The following GALNT16 variants were observed in gnomAD, a reference collection of about 807,000 sequenced individuals.
GALNT16 encodes polypeptide N-acetylgalactosaminyltransferase 16.
In GALNT16, 40 loss-of-function variants were observed where a neutral mutation model predicts 76.1. That is an observed-to-expected ratio of 0.53 (90% CI 0.41 to 0.68). The LOEUF is 0.68. GALNT16 is among the 30% of genes least tolerant of loss of function. The pLI, the probability that GALNT16 is intolerant of heterozygous loss-of-function variation, is 0.00. For synonymous variants in GALNT16, 276 were observed against 285.2 expected, an observed-to-expected ratio of 0.97 and a Z score of 0.32; for missense variants, 621 against 731.9, an observed-to-expected ratio of 0.85 and a Z score of 1.75.
At chr14:69,320,926 T>C in intron 2 of GALNT16, 58 bp downstream of exon 2, 2 of 1,512,264 alleles carry the variant, frequency 1.3e-6, no homozygotes, top group Non-Finnish European at 1.8e-6. Context: ...CAACATTGTT[T>C]AGTTTGTCTT....
chr14:69,365,211 G>C, the GALNT16 span, among the ~76,000 whole-genome samples: 1 of 152,208 alleles, frequency 6.6e-6, no homozygotes, highest in Non-Finnish European at 1.5e-5. Context: ...GCTTTCTGGA[G>C]TTAAAGTGGG....
At chr14:69,382,507 G>A in the GALNT16 span, among the ~76,000 whole-genome samples, 1 of 151,994 alleles carries the variant, frequency 6.6e-6, no homozygotes, top group African/African-American at 2.4e-5. Flanking sequence ...GAACATTAAG[G>A]AATCCATCAA....
At chr14:69,259,734 G>C (rs1479084871), upstream of GALNT16, 2 of 153,366 alleles carry the variant, frequency 1.3e-5, no homozygotes, top group Non-Finnish European at 2.9e-5. Context: ...TGCAGCTCGC[G>C]GCGCGGGCCC....
At chr14:69,305,714 C>A (rs1433907930) in intron 1 of GALNT16, among the ~76,000 whole-genome samples, 1 of 152,062 alleles carries the variant, frequency 6.6e-6, no homozygotes, top group Non-Finnish European at 1.5e-5. Flanking sequence ...TATTTTCTCT[C>A]AGTCTTTTCA....
Position 69,339,591 on chromosome 14 carries a change from C to A in GALNT16, c.1159C>A (p.Pro387Thr). ...EYKQYYYEAR[P>T]SAIGKAFGSV... Reference sequence around the variant, plus strand: ...CAAGCAATACTACTATGAGGCCCGGCCCTCGGCCATCGGGAAGGCCTTCGG... The same window carrying A: ...CAAGCAATACTACTATGAGGCCCGGACCTCGGCCATCGGGAAGGCCTTCGG... Residue 387 changes from proline (P) to threonine (T), a missense_variant, in exon 11 of 15, where the codon CCC becomes ACC. Transcript: ENST00000448469. The A allele has an allele frequency of 6.2e-7, 1 of 1,609,540 alleles. No homozygotes were observed. Among genetic ancestry groups the A allele is most frequent in the South Asian group, 1.1e-5 (1 of 90,574 alleles).
intron 10 of GALNT16, 152 bp downstream of exon 10, chr14:69,338,929 T>C (rs2045448736): frequency 1.6e-6 from 1 of 631,570 alleles, no homozygotes; most frequent in Non-Finnish European, 2.7e-6. Flanking sequence ...CATCCTGGGA[T>C]TGCAGGTACC....
At chr14:69,372,491 C>CTTTTTTT in the GALNT16 span, among the ~76,000 whole-genome samples, 3 of 103,774 alleles carry the variant, frequency 2.9e-5, no homozygotes, top group South Asian at 3.7e-4. Flanking sequence ...GATCATTAGC[C>CTTTTTTT]TTTTTTTTTT....
intron 1 of GALNT16, among the ~76,000 whole-genome samples, chr14:69,279,465 A>G (rs2044512354): frequency 1.3e-5 from 2 of 152,358 alleles, no homozygotes; most frequent in South Asian, 4.1e-4. Flanking sequence ...CATTGTCCAC[A>G]GTAAGTGTGT....
chr14:69,300,403 A>G (rs1239890574), intron 1 of GALNT16, among the ~76,000 whole-genome samples: 2 of 152,166 alleles, frequency 1.3e-5, no homozygotes, highest in Non-Finnish European at 2.9e-5. Context: ...CTGGGGCTGT[A>G]GCTAGTGATG....
In GALNT16 at chr14:69,260,355, A is replaced by G. The variant is rs755436586; in HGVS notation, c.65A>G (p.Tyr22Cys). 9.3e-6 allele frequency: 15 copies of G among 1,612,198 alleles called. No individual in the cohort carries two copies. In the South Asian group the frequency reaches 1.1e-4, roughly 12 times the overall value. ...GTAGCCTGGATCCTGGGCACTTTCT[A>G]CTACTTATGGCAGGACAACCGAGCC... ...LTVAWILGTF[Y>C]YLWQDNRAHA... The change falls in exon 1 of 15, where the codon TAC (tyrosine) becomes TGC (cysteine). Residue 22 changes from tyrosine (Y) to cysteine (C), a missense_variant. Physicochemically the swap from Tyr to Cys is radical, Grantham distance 194 (BLOSUM62 -2). Coordinates refer to ENST00000448469, the MANE Select transcript of GALNT16 (RefSeq NM_001168368.2).
chr14:69,322,535 G>T (rs4349082), intron 2 of GALNT16, among the ~76,000 whole-genome samples: 16 of 152,328 alleles, frequency 1.1e-4, no homozygotes, highest in Non-Finnish European at 1.9e-4. Flanking sequence ...TAAATGAGAC[G>T]CTTTAAATCC....
rs1476682955 is a variant in GALNT16, at chr14:69,347,101, C to G, written c.1333C>G (p.Gln445Glu). The change falls in exon 13 of 15, where the codon CAG (glutamine) becomes GAG (glutamate). Residue 445 changes from glutamine to glutamate, a missense_variant. Coordinates refer to ENST00000448469, the MANE Select transcript of GALNT16 (RefSeq NM_001168368.2). ...GCAGGGGGTGAACTGCTTAGAATCTCAGGGCCAGAACACAGCTGGTGACTT... is the reference window on the plus strand; with the variant it reads ...GCAGGGGGTGAACTGCTTAGAATCTGAGGGCCAGAACACAGCTGGTGACTT... ...IKQGVNCLESQGQNTAGDFLL... is the reference protein window; with the variant it reads ...IKQGVNCLESEGQNTAGDFLL... 1.2e-6 allele frequency: 2 copies of G among 1,613,938 alleles called. No homozygotes were observed. The highest frequency in any genetic ancestry group is 2.2e-5 in the East Asian group (1 of 44,894).
At chr14:69,303,210 T>C (rs2044879349) in intron 1 of GALNT16, among the ~76,000 whole-genome samples, 2 of 152,180 alleles carry the variant, frequency 1.3e-5, no homozygotes, top group Non-Finnish European at 2.9e-5. Context: ...CCATTGTTAC[T>C]GGTTTACATT....
intron 7 of GALNT16, chr14:69,332,374 AC>A (rs33975662): frequency 0.32 from 48,775 of 152,184 alleles, 8,314 homozygotes; most frequent in Non-Finnish European, 0.39. Flanking sequence ...ATTAAATAAA[AC>A]TTAAAAGGCA....
chr14:69,333,905 T>C lies in GALNT16; in HGVS notation c.967+305T>C, dbSNP rs2045387119. ...GTGTGTGGAAGAACACACAACTGTA[T>C]CACAGACCACAGCTTACACACGTGG... On this transcript the variant is annotated intron_variant, in intron 9 of 14. Coordinates refer to ENST00000448469, the MANE Select transcript of GALNT16 (RefSeq NM_001168368.2). The surrounding 1 kb of genome is among the most constrained non-coding windows in gnomAD (Gnocchi z 4.2). Among the ~76,000 whole-genome samples the C allele has an allele frequency of 6.6e-6, 1 of 152,204 alleles. No homozygotes were observed. Among genetic ancestry groups the C allele is most frequent in the Non-Finnish European group, 1.5e-5 (1 of 68,032 alleles).
chr14:69,299,550 G>A (rs545256875), intron 1 of GALNT16, among the ~76,000 whole-genome samples: 21 of 152,304 alleles, frequency 1.4e-4, no homozygotes, highest in African/African-American at 4.1e-4. Context: ...GGAGTGCTGA[G>A]CAGTGTGCTG....
the GALNT16 span, among the ~76,000 whole-genome samples, chr14:69,377,577 C>G: frequency 6.6e-6 from 1 of 151,972 alleles, no homozygotes; most frequent in Non-Finnish European, 1.5e-5. Flanking sequence ...GAGGCCAAGG[C>G]AGGTGGATCA....
intron 7 of GALNT16, 87 bp downstream of exon 7, chr14:69,331,638 T>C: frequency 2.5e-6 from 2 of 789,910 alleles, no homozygotes; most frequent in East Asian, 2.4e-5. Flanking sequence ...TGCTGCTCTT[T>C]CCAGCTGTGC....
In GALNT16 at chr14:69,352,395, T is replaced by C. The variant is rs1371598187; in HGVS notation, c.*227T>C. The C allele has an allele frequency of 9.3e-6, 5 of 536,934 alleles. No homozygotes were observed. Among genetic ancestry groups the C allele is most frequent in the African/African-American group, 3.8e-5 (2 of 52,616 alleles). The allele number at this position is 536,934 out of a possible 1,614,324, so 33.3% of individuals were successfully genotyped here. On this transcript the variant is annotated 3_prime_UTR_variant, in exon 15 of 15. Coordinates refer to ENST00000448469, the MANE Select transcript of GALNT16 (RefSeq NM_001168368.2). ...CCTGGCCTTGCCCCGGGAGAGGAGA[T>C]GGTCAGGGTGCTGGACTGTTGCTGG... is the stretch of plus-strand genomic sequence containing the variant.
Sources: gnomAD v4.1 joint callset for allele counts (sites outside exome capture counted in the v4.1 genomes callset) on GRCh38, gnomAD v4.1.1 for gene constraint, Gnocchi (gnomAD v3.1) non-coding constraint, MANE v1.5 for transcripts, NCBI Gene and HGNC (gene_info 2026-07-23, HGNC 2026-07-21) for gene names.